The following DNAH12 variants were observed in gnomAD, a reference collection of about 807,000 sequenced individuals.
The protein encoded by DNAH12 is axonemal beta dynein heavy chain 12.
DNAH12 carries 285 observed loss-of-function variants against 371.5 expected under a neutral mutation model. The ratio of observed to expected loss-of-function variants is 0.77; its 90% CI spans 0.70 to 0.85. DNAH12 has a LOEUF of 0.85. Among genes scored for constraint, DNAH12 ranks in the 40% least tolerant of loss-of-function variants. DNAH12 has a pLI of 0.00. For missense variants in DNAH12, 3,611 were observed against 3,689.4 expected (o/e 0.98, Z 0.55); for synonymous variants, 1,200 against 1,213.0 (o/e 0.99, Z 0.22).
chr3:57,510,124 TA>T (rs2067932705), intron 5 of DNAH12, among the ~76,000 whole-genome samples: 2 of 151,960 alleles, frequency 1.3e-5, no homozygotes, highest in Non-Finnish European at 2.9e-5. Context: ...AAGTTTATTC[TA>T]AAAAATAGCA....
chr3:57,363,415 A>C (rs1559589538), intron 58 of DNAH12, among the ~76,000 whole-genome samples, 179 bp downstream of exon 58: 2 of 152,228 alleles, frequency 1.3e-5, no homozygotes, highest in Non-Finnish European at 2.9e-5. Flanking sequence ...TAAATAATTT[A>C]ACAGTAAGAT....
chr3:57,547,023 G>T (rs1002420874), upstream of DNAH12, among the ~76,000 whole-genome samples: 1 of 151,852 alleles, frequency 6.6e-6, no homozygotes, highest in African/African-American at 2.4e-5. Context: ...AAAGAGATGG[G>T]CATGCCCTGA....
intron 14 of DNAH12, among the ~76,000 whole-genome samples, chr3:57,472,031 T>C (rs1157541456): frequency 1.3e-5 from 2 of 152,206 alleles, no homozygotes; most frequent in Non-Finnish European, 1.5e-5. Context: ...ATTAGAATCT[T>C]GGTTTATCTG....
rs182310050 is a variant in DNAH12, at chr3:57,428,618, G to C, written c.5253+15C>G. On this transcript the variant is annotated intron_variant, in intron 34 of 73. Transcript: ENST00000495027. ...AACAAAGAAACTTGAATAGGTCAGA[G>C]AATTATAGGATTACCTTGCATTTTT... 3 of 1,523,428 alleles carry C rather than the reference G, an allele frequency of 2.0e-6. No homozygotes were observed. Among genetic ancestry groups the C allele is most frequent in the Non-Finnish European group, 2.6e-6 (3 of 1,137,530 alleles). The allele number at this position is 1,523,428 out of a possible 1,614,324, so 94.4% of individuals were successfully genotyped here.
chr3:57,516,328 C>T (rs973931352), intron 4 of DNAH12, among the ~76,000 whole-genome samples: 2 of 152,096 alleles, frequency 1.3e-5, no homozygotes, highest in Admixed American at 6.6e-5. Context: ...TCCCAAAGTG[C>T]TGGGATTACA....
At chr3:57,330,384 T>TA (rs2062065663) in intron 62 of DNAH12, among the ~76,000 whole-genome samples, 1 of 151,642 alleles carries the variant, frequency 6.6e-6, no homozygotes, top group Admixed American at 6.6e-5. Flanking sequence ...TATGCAGCCA[T>TA]AAAAAAGGAT....
the DNAH12 span, among the ~76,000 whole-genome samples, chr3:57,552,740 C>A: frequency 6.6e-6 from 1 of 151,988 alleles, no homozygotes; most frequent in East Asian, 1.9e-4. Context: ...TGGGATCCCC[C>A]ATCTCTACAA....
chr3:57,482,163 A>T (rs1441420305), intron 13 of DNAH12, among the ~76,000 whole-genome samples: 4 of 152,196 alleles, frequency 2.6e-5, no homozygotes, highest in African/African-American at 7.2e-5. Context: ...AATTTTTGCA[A>T]TCTACCCATC....
intron 69 of DNAH12, among the ~76,000 whole-genome samples, chr3:57,308,927 A>G (rs1207107927): frequency 6.6e-6 from 1 of 151,824 alleles, no homozygotes; most frequent in Non-Finnish European, 1.5e-5. Context: ...CAACCCTACA[A>G]TATCACCCCT....
At chr3:57,517,670 T>C (rs1277083270) in intron 4 of DNAH12, among the ~76,000 whole-genome samples, 1 of 152,206 alleles carries the variant, frequency 6.6e-6, no homozygotes, top group Non-Finnish European at 1.5e-5. Context: ...AATAAAAATA[T>C]GTTTGACCCT....
chr3:57,455,659 T>C (rs79878861), intron 22 of DNAH12, among the ~76,000 whole-genome samples: 2,307 of 152,316 alleles, frequency 0.015, 36 homozygotes, highest in Middle Eastern at 0.031. Context: ...TTATACAATA[T>C]AGTTAAAAAC....
Position 57,302,555 on chromosome 3 carries a change from A to ATGG in DNAH12, c.11190-617_11190-616insCCA, listed in dbSNP as rs1559535346. 3.0e-4 allele frequency among the ~76,000 whole-genome samples: 24 copies of ATGG among 80,986 alleles called. 1 individual carries two copies. The highest frequency in any genetic ancestry group is 1.1e-3 in the African/African-American group (24 of 22,552). 53.1% of individuals were successfully genotyped at this position (80,986 alleles called of 152,430 possible). ...TATATATATATATATATATATATAT[A>ATGG]TATATATATGTATTTTTTTTTTTTT... On this transcript the variant is annotated intron_variant, in intron 69 of 73. Coordinates refer to ENST00000495027, the MANE Select transcript of DNAH12 (RefSeq NM_001366028.2).
chr3:57,501,376 A>C lies in DNAH12; in HGVS notation c.1280T>G (p.Val427Gly), dbSNP rs372786074. 19 of 1,594,572 alleles carry C rather than the reference A, an allele frequency of 1.2e-5. No homozygotes were observed. In the African/African-American group the frequency reaches 2.2e-4, roughly 18 times the overall value. ...KYNWLLDGTA[V>G]ENIETFQTED... ...TGTCTGAAAAGTCTCTATATTCTCA[A>C]CTGCAGTCCCATCAAGGAGCCAATT... Residue 427 changes from valine to glycine, a missense_variant, in exon 11 of 74, where the codon GTT (valine) becomes GGT (glycine). Around this residue, in one of 3 missense-constraint regions of DNAH12, gnomAD observed 1,314 missense variants for 1,398.7 expected, o/e 0.94. Transcript: ENST00000495027.
chr3:57,451,861 C>T (rs2065768591), intron 25 of DNAH12, among the ~76,000 whole-genome samples: 1 of 152,112 alleles, frequency 6.6e-6, no homozygotes. Context: ...AACTGGTGAT[C>T]AGCTGTTTCC....
At chr3:57,448,069 A>G (rs948912014) in intron 25 of DNAH12, among the ~76,000 whole-genome samples, 4 of 152,198 alleles carry the variant, frequency 2.6e-5, no homozygotes, top group Non-Finnish European at 5.9e-5. Context: ...TTTTAAGAAA[A>G]TGTTCACAAA....
rs958559167 is a variant in DNAH12 at position 57,323,557 on chromosome 3, T to C, written c.10041A>G (p.Pro3347=). ...AGTAACTCTTTGTCAAATCAAATGG[T>C]GGAGGCTCTACAAACTTTTTCCCTA... ...DKLGKKFVEP[P]PFDLTKSYLD... The change falls in exon 63 of 74, where the codon CCA becomes CCG. Residue 3347 remains proline, a synonymous_variant. Coordinates refer to ENST00000495027, the MANE Select transcript of DNAH12 (RefSeq NM_001366028.2). 4.5e-6 allele frequency: 7 copies of C among 1,550,832 alleles called. No homozygotes were observed. Among genetic ancestry groups the C allele is most frequent in the Non-Finnish European group, 6.1e-6 (7 of 1,146,750 alleles).
Position 57,468,895 on chromosome 3 carries a change from T to C in DNAH12, c.2190A>G (p.Thr730=), listed in dbSNP as rs967066025. 1.1e-5 allele frequency: 17 copies of C among 1,528,574 alleles called. No individual in the cohort carries two copies. Among genetic ancestry groups the C allele is most frequent in the African/African-American group, 9.8e-5 (7 of 71,110 alleles). 94.7% of individuals were successfully genotyped at this position (1,528,574 alleles called of 1,614,324 possible). The change falls in exon 17 of 74, where the codon ACA becomes ACG. Residue 730 remains threonine, a synonymous_variant. Coordinates refer to ENST00000495027, the MANE Select transcript of DNAH12 (RefSeq NM_001366028.2). ...TTAGCTTCGTTTGGAAAAATTTTAG[T>C]GTCTTAAAAATTTCTCGGGAAAACT... The part of the protein sequence containing the change: ...VEEFSREIFK[T]LKFFQTKLKK...
chr3:57,520,455 T>A (rs374807575), intron 4 of DNAH12, among the ~76,000 whole-genome samples: 3,496 of 149,874 alleles, frequency 0.023, 63 homozygotes, highest in Middle Eastern at 0.034. Context: ...TTATTATTTT[T>A]TTTTTGAGAC....
Position 57,501,377 on chromosome 3 carries a change from C to T in DNAH12, c.1279G>A (p.Val427Ile). 1 of 1,595,462 alleles carries T rather than the reference C, an allele frequency of 6.3e-7. No homozygotes were observed. Reference protein sequence around the residue: ...KYNWLLDGTAVENIETFQTED... With the variant: ...KYNWLLDGTAIENIETFQTED... ...GTCTGAAAAGTCTCTATATTCTCAA[C>T]TGCAGTCCCATCAAGGAGCCAATTA... Residue 427 changes from valine (V) to isoleucine (I), a missense_variant, in exon 11 of 74, where the codon GTT becomes ATT. Physicochemically the swap from Val to Ile is conservative, Grantham distance 29. Coordinates refer to ENST00000495027, the MANE Select transcript of DNAH12 (RefSeq NM_001366028.2).
Sources: allele counts gnomAD v4.1 joint callset (sites outside exome capture counted in the v4.1 genomes callset), GRCh38; gene constraint gnomAD v4.1.1; regional missense constraint gnomAD v4.1.1; transcripts MANE v1.5; gene names NCBI Gene and HGNC (gene_info 2026-07-23, HGNC 2026-07-21).